The following KCNIP4 variants were observed in gnomAD, a reference collection of about 807,000 sequenced individuals.
KCNIP4 encodes Kv channel-interacting protein 4.
Under a neutral mutation model 34.0 loss-of-function variants are expected in KCNIP4, and 12 were observed. The ratio of observed to expected loss-of-function variants is 0.35; its 90% CI spans 0.23 to 0.57. The LOEUF is 0.57. Ranked by LOEUF, KCNIP4 falls within the 20% of genes least tolerant of loss-of-function variation. KCNIP4 has a pLI of 0.83. For missense variants in KCNIP4, 238 were observed against 311.7 expected (o/e 0.76, Z 1.78); for synonymous variants, 124 against 102.2 (o/e 1.21, Z -1.29).
In KCNIP4 at chr4:21,457,654, C is replaced by T. The variant is rs374880462; in HGVS notation, c.61+490917G>A. Among the ~76,000 whole-genome samples, 9 of 151,994 alleles carry T rather than the reference C, an allele frequency of 5.9e-5. No homozygotes were observed. The East Asian group carries it at 1.6e-3, about 26-fold the overall frequency. ...CTCCCTGGACAGAATCCCTCTTTCC[C>T]GCAGATCTATCTCTTCTAGAGAGTA... On this transcript the variant is annotated intron_variant, in intron 1 of 8. Transcript: ENST00000382152.
chr4:21,279,220 T>C (rs893859476), intron 1 of KCNIP4, among the ~76,000 whole-genome samples: 7 of 152,144 alleles, frequency 4.6e-5, no homozygotes, highest in African/African-American at 1.7e-4. Flanking sequence ...GTCAAAAGTT[T>C]CAAGGAAATT....
intron 1 of KCNIP4, among the ~76,000 whole-genome samples, chr4:21,079,715 G>T (rs557816107): frequency 6.6e-6 from 1 of 151,968 alleles, no homozygotes; most frequent in South Asian, 2.1e-4. Flanking sequence ...AATATAAAGA[G>T]ATTATTCTGG....
chr4:21,157,340 ATTC>A lies in KCNIP4; in HGVS notation c.62-274634_62-274632del, dbSNP rs1286350080. Among the ~76,000 whole-genome samples, 23 of 89,130 alleles carry A rather than the reference ATTC, an allele frequency of 2.6e-4. No homozygotes were observed. The East Asian group carries it at 5.8e-3, about 23-fold the overall frequency. The allele number at this position is 89,130 out of a possible 152,430, so 58.5% of individuals were successfully genotyped here. ...ATCCTCACCTATTTGCATTCAATGT[ATTC>A]TTTTTTTTTTTTCTTTCTAACAGTT... On this transcript the variant is annotated intron_variant, in intron 1 of 8. Coordinates refer to ENST00000382152, the MANE Select transcript of KCNIP4 (RefSeq NM_025221.6).
chr4:21,219,290 G>T (rs1160435203), intron 1 of KCNIP4, among the ~76,000 whole-genome samples: 1 of 152,136 alleles, frequency 6.6e-6, no homozygotes, highest in Non-Finnish European at 1.5e-5. Flanking sequence ...CCTGCAAGGT[G>T]CTCGTCAAAA....
At chr4:21,474,486 C>A (rs1730747956) in intron 1 of KCNIP4, among the ~76,000 whole-genome samples, 1 of 152,168 alleles carries the variant, frequency 6.6e-6, no homozygotes, top group African/African-American at 2.4e-5. Context: ...CTTTGTAACA[C>A]TGAAGAGATA....
chr4:21,577,975 A>T (rs1740878604), intron 1 of KCNIP4, among the ~76,000 whole-genome samples: 1 of 152,206 alleles, frequency 6.6e-6, no homozygotes, highest in South Asian at 2.1e-4. Flanking sequence ...CAAGTTTAAC[A>T]TTGTTATCCA....
intron 1 of KCNIP4, among the ~76,000 whole-genome samples, chr4:21,456,470 C>T (rs974494187): frequency 1.3e-5 from 2 of 148,194 alleles, no homozygotes; most frequent in Middle Eastern, 3.5e-3. Context: ...TACTACCCAC[C>T]TATATATTTT....
At chr4:21,358,831 A>AT (rs972743227) in intron 1 of KCNIP4, among the ~76,000 whole-genome samples, 1 of 152,030 alleles carries the variant, frequency 6.6e-6, no homozygotes, top group Admixed American at 6.6e-5. Context: ...AAATGCAATA[A>AT]TTTGTCTCTT....
At chr4:21,089,706 G>A (rs1746808618) in intron 1 of KCNIP4, among the ~76,000 whole-genome samples, 1 of 152,048 alleles carries the variant, frequency 6.6e-6, no homozygotes, top group Non-Finnish European at 1.5e-5. Context: ...TCCCTCCTTG[G>A]TCCATGGAGT....
intron 1 of KCNIP4, among the ~76,000 whole-genome samples, chr4:21,459,304 C>T (rs914306825): frequency 2.6e-5 from 4 of 152,034 alleles, no homozygotes; most frequent in African/African-American, 9.7e-5. Flanking sequence ...GTTGAAGGAT[C>T]CCTCCTGGAA....
intron 1 of KCNIP4, among the ~76,000 whole-genome samples, chr4:21,365,733 A>G (rs1436981905): frequency 6.6e-6 from 1 of 152,118 alleles, no homozygotes; most frequent in Non-Finnish European, 1.5e-5. Flanking sequence ...TATCTACAAC[A>G]CCTTCAGAAT....
rs547254405 is a variant in KCNIP4 at position 20,757,558 on chromosome 4, A to G, written c.358+1263T>C. Among the ~76,000 whole-genome samples, 73 of 152,258 alleles carry G rather than the reference A, an allele frequency of 4.8e-4. No individual in the cohort carries two copies. The South Asian group carries it at 0.011, about 23-fold the overall frequency. ...ACCCTAGCCACACCCAAATCCTGGC[A>G]ATTTCCTGCAAATGCCCATCTTCAG... On this transcript the variant is annotated intron_variant, in intron 4 of 8. Transcript: ENST00000382152.
chr4:21,739,566 G>C (rs909277458), intron 1 of KCNIP4, among the ~76,000 whole-genome samples: 1 of 151,748 alleles, frequency 6.6e-6, no homozygotes, highest in African/African-American at 2.4e-5. Context: ...TCTTACTAAA[G>C]ATACATGACA....
intron 1 of KCNIP4, among the ~76,000 whole-genome samples, chr4:21,622,115 T>C (rs774194192): frequency 1.3e-5 from 2 of 152,212 alleles, no homozygotes; most frequent in Non-Finnish European, 2.9e-5. Flanking sequence ...ATTAAAGATG[T>C]ATCTTTAGCC....
intron 1 of KCNIP4, among the ~76,000 whole-genome samples, chr4:21,005,527 ATATT>A (rs138740589): frequency 0.26 from 38,969 of 151,836 alleles, 5,443 homozygotes; most frequent in African/African-American, 0.36. Context: ...TTTATATTTC[ATATT>A]TATTTATTAC....
intron 1 of KCNIP4, among the ~76,000 whole-genome samples, chr4:21,471,505 A>ACCC (rs1257948959): frequency 2.0e-5 from 3 of 152,178 alleles, no homozygotes; most frequent in Non-Finnish European, 4.4e-5. Context: ...AGTATTTTAT[A>ACCC]TATTTTATCA....
At chr4:20,915,360 T>C (rs893475275) in intron 1 of KCNIP4, among the ~76,000 whole-genome samples, 3 of 152,132 alleles carry the variant, frequency 2.0e-5, no homozygotes, top group East Asian at 1.9e-4. Context: ...GAGGATGAGT[T>C]CCAGCAAAAA....
intron 1 of KCNIP4, among the ~76,000 whole-genome samples, chr4:21,544,847 T>C (rs1459615044): frequency 1.3e-5 from 2 of 151,954 alleles, no homozygotes; most frequent in South Asian, 2.1e-4. Flanking sequence ...TTTACTTTCA[T>C]AATAAACTTG....
intron 1 of KCNIP4, among the ~76,000 whole-genome samples, chr4:21,596,345 G>A (rs1027821072): frequency 1.3e-5 from 2 of 151,986 alleles, no homozygotes; most frequent in African/African-American, 4.8e-5. Context: ...TGTAACATAC[G>A]AATAAACACA....
Sources: gnomAD v4.1 joint callset for allele counts (sites outside exome capture counted in the v4.1 genomes callset) on GRCh38, gnomAD v4.1.1 for gene constraint, MANE v1.5 for transcripts, NCBI Gene and HGNC (gene_info 2026-07-23, HGNC 2026-07-21) for gene names.